FAM163A: variants seen among roughly 807,000 people sequenced by gnomAD.
The protein encoded by FAM163A is protein FAM163A.
A neutral mutation model predicts 12.0 loss-of-function variants in FAM163A; 7 were observed. That is an observed-to-expected ratio of 0.58 (90% CI 0.33 to 1.10). The LOEUF (loss-of-function observed/expected upper bound fraction) is 1.10. FAM163A is among the 50% of genes least tolerant of loss of function. The pLI is 0.03. For missense variants in FAM163A, 202 were observed against 218.6 expected, an observed-to-expected ratio of 0.92 and a Z score of 0.48; for synonymous variants, 101 against 91.0, an observed-to-expected ratio of 1.11 and a Z score of -0.62.
chr1:179,798,733 G>C (rs746864003), intron 1 of FAM163A, among the ~76,000 whole-genome samples: 6 of 152,182 alleles, frequency 3.9e-5, no homozygotes, highest in Admixed American at 2.0e-4. Context: ...GAAAGGAGAG[G>C]AGAGCAGCTC....
intron 3 of FAM163A, 119 bp from the exon 4 acceptor site, chr1:179,812,957 G>C: frequency 1.1e-6 from 1 of 904,310 alleles, no homozygotes; most frequent in Non-Finnish European, 1.7e-6. Context: ...TGGCCCTCCC[G>C]GCACCTGCTG....
intron 1 of FAM163A, among the ~76,000 whole-genome samples, chr1:179,766,809 G>A (rs1687568260): frequency 6.6e-6 from 1 of 151,660 alleles, no homozygotes; most frequent in Non-Finnish European, 1.5e-5. Context: ...AGGCTGGAGT[G>A]CAATGGCACA....
At chr1:179,797,420 C>A (rs920469970) in intron 1 of FAM163A, among the ~76,000 whole-genome samples, 2 of 152,070 alleles carry the variant, frequency 1.3e-5, no homozygotes, top group African/African-American at 2.4e-5. Context: ...TGCACTCACG[C>A]CAGCCCAGGC....
chr1:179,772,414 C>T (rs1688401081), intron 1 of FAM163A, among the ~76,000 whole-genome samples: 1 of 152,222 alleles, frequency 6.6e-6, no homozygotes, highest in Non-Finnish European at 1.5e-5. Context: ...ATTGTCTACT[C>T]TGCTGCCGAG....
the FAM163A span, among the ~76,000 whole-genome samples, chr1:179,734,573 A>T: frequency 1.3e-5 from 2 of 152,174 alleles, no homozygotes; most frequent in Non-Finnish European, 2.9e-5. Context: ...TTCATGGATG[A>T]TTCCTTCTTG....
chr1:179,758,196 G>A (rs1322096682), intron 1 of FAM163A, among the ~76,000 whole-genome samples: 1 of 152,144 alleles, frequency 6.6e-6, no homozygotes, highest in Admixed American at 6.5e-5. Flanking sequence ...CAGAGGAGGC[G>A]GTAAAACCAA....
At chr1:179,761,015 C>T (rs1001423440) in intron 1 of FAM163A, among the ~76,000 whole-genome samples, 39 of 152,214 alleles carry the variant, frequency 2.6e-4, no homozygotes, top group African/African-American at 9.2e-4. Flanking sequence ...TCACAATTAA[C>T]ATAATTCATA....
chr1:179,787,895 T>C (rs1188564628), intron 1 of FAM163A, among the ~76,000 whole-genome samples: 3 of 152,056 alleles, frequency 2.0e-5, no homozygotes, highest in Non-Finnish European at 2.9e-5. Context: ...CTCCCACCCA[T>C]AGAGACACCC....
rs143378792 is a variant in FAM163A at position 179,757,808 on chromosome 1, TCAAAA to T, written c.-136+14402_-136+14406del. On this transcript the variant is annotated intron_variant, in intron 1 of 4. Transcript: ENST00000341785. ...GCCTGAGCGACAAAGCGAGACTGTC[TCAAAA>T]CAAAACAAAACAAAACGAAAAACAG... is the stretch of plus-strand genomic sequence containing the variant. Among the ~76,000 whole-genome samples, 602 of 151,414 alleles carry T rather than the reference TCAAAA, an allele frequency of 4.0e-3. 3 individuals are homozygous for T. Among genetic ancestry groups the T allele is most frequent in the African/African-American group, 0.013 (534 of 41,142 alleles).
intron 1 of FAM163A, among the ~76,000 whole-genome samples, chr1:179,754,972 A>T (rs1448202724): frequency 6.6e-6 from 1 of 152,074 alleles, no homozygotes; most frequent in Admixed American, 6.5e-5. Flanking sequence ...CCCCATCTCT[A>T]CTAAAAATAC....
At chr1:179,737,005 C>G in the FAM163A span, among the ~76,000 whole-genome samples, 4 of 152,002 alleles carry the variant, frequency 2.6e-5, no homozygotes, top group African/African-American at 4.8e-5. Context: ...ATCCAGTAAT[C>G]CCACTTCTGA....
At chr1:179,782,479 G>A (rs771439688) in intron 1 of FAM163A, among the ~76,000 whole-genome samples, 12 of 151,596 alleles carry the variant, frequency 7.9e-5, no homozygotes, top group Admixed American at 2.0e-4. Flanking sequence ...GCTTGTGCAA[G>A]CAGGACGGGA....
intron 1 of FAM163A, among the ~76,000 whole-genome samples, chr1:179,767,109 A>T (rs937229476): frequency 5.3e-5 from 8 of 152,056 alleles, no homozygotes; most frequent in Non-Finnish European, 8.8e-5. Flanking sequence ...TCGTTCTCCC[A>T]GTGTCTTCCC....
chr1:179,778,214 T>C (rs891264706), intron 1 of FAM163A, among the ~76,000 whole-genome samples: 15 of 152,170 alleles, frequency 9.9e-5, no homozygotes, highest in Admixed American at 7.2e-4. Context: ...ACTCTGAACG[T>C]AGAACCCAGG....
At chr1:179,729,092 C>T in the FAM163A span, among the ~76,000 whole-genome samples, 2 of 152,190 alleles carry the variant, frequency 1.3e-5, no homozygotes, top group African/African-American at 4.8e-5. Context: ...AGGGAGCATA[C>T]TGAGGCTTCT....
chr1:179,730,301 C>T, the FAM163A span: 1 of 152,356 alleles, frequency 6.6e-6, no homozygotes, highest in Non-Finnish European at 1.5e-5. Context: ...TAGGACGGTG[C>T]AGAAGGAGGA....
rs1450975390 is a variant in FAM163A, at chr1:179,800,732, A to G, written c.-135-7066A>G. ...GCTCAGTAAGTAGTAGATGAAGGATAAATGAGGGGAATAACAGAGTTTCCA... is the reference window on the plus strand; with the variant it reads ...GCTCAGTAAGTAGTAGATGAAGGATGAATGAGGGGAATAACAGAGTTTCCA... On this transcript the variant is annotated intron_variant, in intron 1 of 4. Coordinates refer to ENST00000341785, the MANE Select transcript of FAM163A (RefSeq NM_173509.3). Among the ~76,000 whole-genome samples the G allele has an allele frequency of 1.6e-4, 24 of 152,222 alleles. 1 individual carries two copies. The highest frequency in any genetic ancestry group is 1.6e-3 in the Admixed American group (24 of 15,282).
chr1:179,796,769 CAGA>C (rs1436568960), intron 1 of FAM163A, among the ~76,000 whole-genome samples: 4 of 152,212 alleles, frequency 2.6e-5, no homozygotes, highest in Admixed American at 6.5e-5. Flanking sequence ...TAGCAGAAAG[CAGA>C]AGAAGGGAAA....
chr1:179,766,749 C>G (rs922743852), intron 1 of FAM163A, among the ~76,000 whole-genome samples: 9 of 146,976 alleles, frequency 6.1e-5, no homozygotes, highest in Admixed American at 6.1e-4. Flanking sequence ...TTTTACTTTT[C>G]TTTCTTTTTT....
Sources: gnomAD v4.1 joint callset for allele counts (sites outside exome capture counted in the v4.1 genomes callset) on GRCh38, gnomAD v4.1.1 for gene constraint, MANE v1.5 for transcripts, NCBI Gene and HGNC (gene_info 2026-07-23, HGNC 2026-07-21) for gene names.